Variants in SPTBN1 observed in about 807,000 individuals in gnomAD.
The protein encoded by SPTBN1 is spectrin beta chain, non-erythrocytic 1.
Under a neutral mutation model 266.4 loss-of-function variants are expected in SPTBN1, and 32 were observed. The ratio of observed to expected loss-of-function variants is 0.12; its 90% CI spans 0.09 to 0.16. The LOEUF (loss-of-function observed/expected upper bound fraction) is 0.16, where lower values mean the gene tolerates loss of function less well. SPTBN1 is among the 10% of genes least tolerant of loss of function. The pLI is 1.00. For missense variants in SPTBN1, 2,296 were observed against 3,067.1 expected (o/e 0.75, Z 5.94); for synonymous variants, 1,336 against 1,162.2 (o/e 1.15, Z -3.04).
At chr2:54,590,474 A>G (rs1675601310) in intron 2 of SPTBN1, among the ~76,000 whole-genome samples, 1 of 152,224 alleles carries the variant, frequency 6.6e-6, no homozygotes, top group Non-Finnish European at 1.5e-5. Flanking sequence ...CTAAACATGA[A>G]TAGGATTGAG....
chr2:54,477,475 T>C (rs2103907660), intron 1 of SPTBN1, among the ~76,000 whole-genome samples: 1 of 152,234 alleles, frequency 6.6e-6, no homozygotes, highest in African/African-American at 2.4e-5. Flanking sequence ...AATTCTTTTT[T>C]CATTTTCTGT....
In SPTBN1 at chr2:54,621,425, G is replaced by T; in HGVS notation, c.789G>T (p.Glu263Asp). 6.2e-7 allele frequency: 1 copy of T among 1,613,994 alleles called. No individual in the cohort carries two copies. Among genetic ancestry groups the T allele is most frequent in the Non-Finnish European group, 8.5e-7 (1 of 1,179,888 alleles). ...ACATCAGCGTGGACCATCCTGATGA[G>T]AAGTCCATAATCACTTATGTGGTGA... ...PEDISVDHPD[E>D]KSIITYVVTY... The change falls in exon 8 of 36, where the codon GAG (glutamate) becomes GAT (aspartate). Residue 263 changes from glutamate (E) to aspartate (D), a missense_variant. Around this residue, in one of 12 missense-constraint regions of SPTBN1, gnomAD observed 178 missense variants for 375.7 expected, o/e 0.47. Coordinates refer to ENST00000356805, the MANE Select transcript of SPTBN1 (RefSeq NM_003128.3).
chr2:54,478,856 TA>T (rs1375226981), intron 1 of SPTBN1, among the ~76,000 whole-genome samples: 1 of 152,042 alleles, frequency 6.6e-6, no homozygotes, highest in Non-Finnish European at 1.5e-5. Flanking sequence ...AAATACACAA[TA>T]CCAGAGATAA....
rs115140949 is a variant in SPTBN1 at position 54,467,834 on chromosome 2, C to G, written c.-48+11316C>G. On this transcript the variant is annotated intron_variant, in intron 1 of 35. Coordinates refer to ENST00000356805, the MANE Select transcript of SPTBN1 (RefSeq NM_003128.3). The stretch of plus-strand genomic sequence containing the variant: ...TTGAATGGCTTATGAAGACTATATA[C>G]CATCATAAAGGCATAAGTTAGTATA... 4.8e-3 allele frequency among the ~76,000 whole-genome samples: 728 copies of G among 151,468 alleles called. 6 individuals carry two copies. Among genetic ancestry groups the G allele is most frequent in the African/African-American group, 0.017 (692 of 41,198 alleles).
intron 7 of SPTBN1, among the ~76,000 whole-genome samples, chr2:54,620,538 C>A (rs11125543): frequency 0.65 from 99,121 of 152,058 alleles, 33,264 homozygotes; most frequent in African/African-American, 0.8. Flanking sequence ...AATTTCACCT[C>A]CTTAGGAGGC....
intron 2 of SPTBN1, among the ~76,000 whole-genome samples, chr2:54,585,510 C>T (rs544567448): frequency 6.6e-6 from 1 of 152,292 alleles, no homozygotes; most frequent in South Asian, 2.1e-4. Flanking sequence ...TGAAAGAAAT[C>T]TTGTATAACC....
At chr2:54,529,825 A>G (rs537160388) in intron 2 of SPTBN1, 5 of 454,446 alleles carry the variant, frequency 1.1e-5, no homozygotes, top group East Asian at 5.5e-5. Context: ...CATCTGGCTA[A>G]TTCTAAATAT....
intron 2 of SPTBN1, among the ~76,000 whole-genome samples, chr2:54,553,207 AGGTTTTAGGGAGAAAAGAAGGT>A (rs1176688220): frequency 6.6e-6 from 1 of 152,184 alleles, no homozygotes; most frequent in Admixed American, 6.5e-5. Context: ...TAACAGAGGC[AGGTTTTAGGGAGAAAAGAAGGT>A]GGCAACTAGT....
At chr2:54,539,444 G>A (rs1038987464) in intron 2 of SPTBN1, among the ~76,000 whole-genome samples, 1 of 152,124 alleles carries the variant, frequency 6.6e-6, no homozygotes, top group African/African-American at 2.4e-5. Flanking sequence ...CTGCAGAAGT[G>A]GACAATAAAT....
intron 2 of SPTBN1, among the ~76,000 whole-genome samples, chr2:54,565,377 A>G (rs755412574): frequency 1.3e-5 from 2 of 152,208 alleles, no homozygotes; most frequent in Non-Finnish European, 2.9e-5. Flanking sequence ...GCTACTCAGG[A>G]ATGGACTCTG....
chr2:54,637,045 A>G (rs948951468), intron 17 of SPTBN1, among the ~76,000 whole-genome samples: 4 of 152,238 alleles, frequency 2.6e-5, no homozygotes, highest in South Asian at 2.1e-4. Context: ...GAAGGAGCCA[A>G]GTAGGGAGCG....
chr2:54,479,935 T>A (rs1668018475), intron 1 of SPTBN1, among the ~76,000 whole-genome samples: 2 of 152,118 alleles, frequency 1.3e-5, no homozygotes, highest in Non-Finnish European at 2.9e-5. Flanking sequence ...GCTCAAGTGA[T>A]CTTCCTGCTT....
At chr2:54,474,817 T>C (rs1667741388) in intron 1 of SPTBN1, among the ~76,000 whole-genome samples, 1 of 152,204 alleles carries the variant, frequency 6.6e-6, no homozygotes, top group African/African-American at 2.4e-5. Context: ...TTTTGTATTT[T>C]CTGCTGTTCT....
chr2:54,558,716 A>C lies in SPTBN1; in HGVS notation c.148+32150A>C. The C allele has an allele frequency of 6.3e-7, 1 of 1,575,874 alleles. No individual in the cohort carries two copies. The highest frequency in any genetic ancestry group is 8.6e-7 in the Non-Finnish European group (1 of 1,156,624). On this transcript the variant is annotated intron_variant, in intron 2 of 35. Transcript: ENST00000356805. The surrounding 1 kb of genome is among the most constrained non-coding windows in gnomAD (Gnocchi z 4.6). Reference sequence around the variant, plus strand: ...CGGAGGCTGCTGCGTGTTGGATGGGAGTGGGAGGGGGCTGGAGCGAGATTT... The same window carrying C: ...CGGAGGCTGCTGCGTGTTGGATGGGCGTGGGAGGGGGCTGGAGCGAGATTT...
At chr2:54,485,454 A>C (rs1017714593) in intron 1 of SPTBN1, among the ~76,000 whole-genome samples, 2 of 152,202 alleles carry the variant, frequency 1.3e-5, no homozygotes, top group African/African-American at 4.8e-5. Context: ...CGGCCTCCCA[A>C]GGTGCCGGGA....
At chr2:54,583,452 C>T (rs1397991328) in intron 2 of SPTBN1, among the ~76,000 whole-genome samples, 1 of 152,090 alleles carries the variant, frequency 6.6e-6, no homozygotes, top group African/African-American at 2.4e-5. Context: ...GCTTTTCTGA[C>T]CAAAGTGTAG....
Position 54,643,752 on chromosome 2 carries a change from G to A in SPTBN1, c.4006-571G>A, listed in dbSNP as rs547617394. ...TAATCCCAGCACTTTGGGAGGCCAA[G>A]GCAGATGGATCACTGGAGGCCAGGA... On this transcript the variant is annotated intron_variant, in intron 19 of 35. Transcript: ENST00000356805. Among the ~76,000 whole-genome samples the A allele has an allele frequency of 2.6e-5, 4 of 152,260 alleles. No homozygotes were observed. In the South Asian group the frequency reaches 8.3e-4, roughly 32 times the overall value.
chr2:54,646,385 C>T lies in SPTBN1; in HGVS notation c.4776C>T (p.His1592=). The part of the protein sequence containing the change: ...EKRHRRLEEA[H]RAQQYYFDAA... Reference sequence around the variant, plus strand: ...GCCACAGGCGGCTGGAGGAGGCGCACAGGGCCCAGCAGTACTACTTTGACG... The same window carrying T: ...GCCACAGGCGGCTGGAGGAGGCGCATAGGGCCCAGCAGTACTACTTTGACG... Residue 1592 remains histidine (H), a synonymous_variant, in exon 23 of 36, where the codon CAC becomes CAT. Transcript: ENST00000356805. This position sits in a 1 kb window ranked among gnomAD's most constrained non-coding sequence, Gnocchi z 4.4. The T allele has an allele frequency of 6.2e-7, 1 of 1,612,386 alleles. No homozygotes were observed. The highest frequency in any genetic ancestry group is 8.5e-7 in the Non-Finnish European group (1 of 1,179,354).
chr2:54,642,687 G>T (rs190110520), intron 18 of SPTBN1, among the ~76,000 whole-genome samples: 3 of 152,182 alleles, frequency 2.0e-5, no homozygotes, highest in African/African-American at 7.2e-5. Context: ...TTTTAAACAC[G>T]GGCCTTTTGT....
Sources: gnomAD v4.1 joint callset for allele counts (sites outside exome capture counted in the v4.1 genomes callset) on GRCh38, gnomAD v4.1.1 for gene constraint, gnomAD v4.1.1 regional missense constraint, Gnocchi (gnomAD v3.1) non-coding constraint, MANE v1.5 for transcripts, NCBI Gene and HGNC (gene_info 2026-07-23, HGNC 2026-07-21) for gene names.